ATG5: variants seen among roughly 807,000 people sequenced by gnomAD.
The protein encoded by ATG5 is autophagy protein 5.
A neutral mutation model predicts 36.5 loss-of-function variants in ATG5; 14 were observed. The ratio of observed to expected loss-of-function variants is 0.38; its 90% confidence interval spans 0.25 to 0.60. The LOEUF is 0.60. Among genes scored for constraint, ATG5 ranks in the 20% least tolerant of loss-of-function variants. ATG5 has a pLI of 0.60. For synonymous variants in ATG5, 95 were observed against 101.5 expected (o/e 0.94, Z 0.38); for missense variants, 195 against 326.7 (o/e 0.60, Z 3.11).
intron 5 of ATG5, among the ~76,000 whole-genome samples, chr6:106,269,746 G>A (rs3862832): frequency 0.11 from 16,526 of 152,226 alleles, 1,065 homozygotes; most frequent in South Asian, 0.14. Flanking sequence ...CAGCTGGCCC[G>A]CAAGCGCCGC....
Position 106,242,395 on chromosome 6 carries a change from T to C in ATG5, c.573+5755A>G, listed in dbSNP as rs1312276116. ...AGTGTATGATTCCTCTTGTATGAGG[T>C]ACCTATGGATGTCAAATCCATAAAG... On this transcript the variant is annotated intron_variant, in intron 6 of 7. Transcript: ENST00000369076. Among the ~76,000 whole-genome samples the C allele has an allele frequency of 2.0e-5, 3 of 152,168 alleles. No homozygotes were observed. The East Asian group carries it at 5.8e-4, about 29-fold the overall frequency.
intron 3 of ATG5, among the ~76,000 whole-genome samples, chr6:106,304,918 C>G (rs1325304246): frequency 6.6e-6 from 1 of 151,976 alleles, no homozygotes; most frequent in East Asian, 1.9e-4. Flanking sequence ...ATGGTGAAAC[C>G]CTGTCTCTAC....
chr6:106,291,470 T>C (rs184470812), intron 4 of ATG5, among the ~76,000 whole-genome samples: 11 of 152,358 alleles, frequency 7.2e-5, no homozygotes, highest in East Asian at 1.9e-4. Flanking sequence ...GATATTATTA[T>C]ATCATGGAAA....
At chr6:106,322,272 T>G (rs1006904267) in intron 1 of ATG5, among the ~76,000 whole-genome samples, 1 of 152,186 alleles carries the variant, frequency 6.6e-6, no homozygotes, top group Non-Finnish European at 1.5e-5. Flanking sequence ...GACAACAATA[T>G]AATGCATAAT....
chr6:106,320,621 T>C (rs189886384), intron 1 of ATG5, among the ~76,000 whole-genome samples: 51 of 127,704 alleles, frequency 4.0e-4, no homozygotes, highest in African/African-American at 1.9e-3. Context: ...CAAAAGGCTG[T>C]TCTGAAAAAA....
intron 4 of ATG5, among the ~76,000 whole-genome samples, chr6:106,284,876 C>T (rs762650486): frequency 5.3e-5 from 8 of 151,954 alleles, no homozygotes; most frequent in Non-Finnish European, 8.8e-5. Context: ...AAGTTATTTC[C>T]ATATTCCGTA....
At chr6:106,191,640 C>T (rs762788513) in intron 7 of ATG5, among the ~76,000 whole-genome samples, 8 of 152,078 alleles carry the variant, frequency 5.3e-5, no homozygotes, top group Non-Finnish European at 8.8e-5. Context: ...TACTCAGCAG[C>T]GACCCTAGCA....
intron 6 of ATG5, among the ~76,000 whole-genome samples, chr6:106,209,127 T>C (rs1165037306): frequency 6.6e-6 from 1 of 152,232 alleles, no homozygotes. Context: ...GGCAGTTTCT[T>C]ACAAAACTAA....
chr6:106,238,805 T>C (rs901772803), intron 6 of ATG5, among the ~76,000 whole-genome samples: 1 of 152,174 alleles, frequency 6.6e-6, no homozygotes, highest in Non-Finnish European at 1.5e-5. Flanking sequence ...ATAAAGGGTC[T>C]TGATGAGTAA....
intron 2 of ATG5, among the ~76,000 whole-genome samples, chr6:106,313,548 A>C (rs892731381): frequency 2.0e-5 from 3 of 152,212 alleles, no homozygotes; most frequent in Admixed American, 6.5e-5. Context: ...AGTTTAAATG[A>C]ACATAAACGA....
intron 5 of ATG5, among the ~76,000 whole-genome samples, chr6:106,268,887 G>C (rs1162769322): frequency 6.6e-6 from 1 of 151,724 alleles, no homozygotes; most frequent in Non-Finnish European, 1.5e-5. Context: ...CGGTGGGTTG[G>C]GGGCAAGCAG....
At chr6:106,305,859 C>T (rs922453189) in intron 3 of ATG5, among the ~76,000 whole-genome samples, 2 of 152,160 alleles carry the variant, frequency 1.3e-5, no homozygotes, top group African/African-American at 4.8e-5. Context: ...TGAGAGAAAA[C>T]TGCTATTACT....
At chr6:106,208,254 C>CACATATGTGTATATATACATA (rs765039569) in intron 6 of ATG5, among the ~76,000 whole-genome samples, 8,669 of 151,724 alleles carry the variant, frequency 0.057, 339 homozygotes, top group South Asian at 0.12. Flanking sequence ...ATATATACAT[C>CACATATGTGTATATATACATA]TGTGTAAACA....
At chr6:106,306,825 C>T (rs180883723) in intron 3 of ATG5, among the ~76,000 whole-genome samples, 53 of 152,254 alleles carry the variant, frequency 3.5e-4, no homozygotes, top group Admixed American at 1.0e-3. Flanking sequence ...GTCGCCTTCC[C>T]ATTCCAAAAT....
At chr6:106,241,986 C>T (rs1778145103) in intron 6 of ATG5, among the ~76,000 whole-genome samples, 1 of 152,112 alleles carries the variant, frequency 6.6e-6, no homozygotes, top group African/African-American at 2.4e-5. Flanking sequence ...TAATACACCC[C>T]TGTTCATGGC....
At chr6:106,282,911 T>TGA (rs1779935532) in intron 4 of ATG5, among the ~76,000 whole-genome samples, 1 of 152,134 alleles carries the variant, frequency 6.6e-6, no homozygotes, top group African/African-American at 2.4e-5. Flanking sequence ...TTCAGCCTCC[T>TGA]GAGTAGCTGG....
intron 2 of ATG5, among the ~76,000 whole-genome samples, chr6:106,315,113 G>A (rs977814823): frequency 3.3e-5 from 5 of 152,294 alleles, no homozygotes; most frequent in Admixed American, 2.0e-4. Flanking sequence ...AAAAGTGAGC[G>A]AATGGGCTCC....
intron 7 of ATG5, among the ~76,000 whole-genome samples, chr6:106,195,731 C>G (rs1285758351): frequency 6.7e-6 from 1 of 150,252 alleles, no homozygotes; most frequent in African/African-American, 2.5e-5. Context: ...GATGTACTCA[C>G]CTACAGCACC....
chr6:106,189,691 AG>A (rs974436787), intron 7 of ATG5, among the ~76,000 whole-genome samples: 2 of 152,086 alleles, frequency 1.3e-5, no homozygotes, highest in African/African-American at 4.8e-5. Context: ...TACAGTACAA[AG>A]GAAACACCTG....
Sources: gnomAD v4.1 joint callset for allele counts (sites outside exome capture counted in the v4.1 genomes callset) on GRCh38, gnomAD v4.1.1 for gene constraint, MANE v1.5 for transcripts, NCBI Gene and HGNC (gene_info 2026-07-23, HGNC 2026-07-21) for gene names.